NRG1: variants seen among roughly 807,000 people sequenced by gnomAD.
The protein encoded by NRG1 is pro-neuregulin-1, membrane-bound isoform.
In NRG1, 18 loss-of-function variants were observed where a neutral mutation model predicts 63.8. That is an observed-to-expected ratio of 0.28 (90% confidence interval 0.19 to 0.42). NRG1 has a LOEUF of 0.42. Among genes scored for constraint, NRG1 ranks in the 10% least tolerant of loss-of-function variants. The pLI, the probability that NRG1 is intolerant of heterozygous loss-of-function variation, is 1.00. For synonymous variants in NRG1, 302 were observed against 301.3 expected (o/e 1.00, Z -0.02); for missense variants, 762 against 814.7 (o/e 0.94, Z 0.79).
intron 4 of NRG1, among the ~76,000 whole-genome samples, chr8:32,615,660 C>T (rs1021231512): frequency 2.0e-5 from 3 of 151,882 alleles, no homozygotes; most frequent in Non-Finnish European, 2.9e-5. Flanking sequence ...TCCATCTTAC[C>T]TCCATCATTT....
chr8:31,732,504 A>G (rs1814195716), intron 1 of NRG1, among the ~76,000 whole-genome samples: 1 of 152,152 alleles, frequency 6.6e-6, no homozygotes, highest in Non-Finnish European at 1.5e-5. Flanking sequence ...TAAAAAAATT[A>G]TAAGTATGAA....
At chr8:32,205,492 T>C (rs918481353) in intron 1 of NRG1, among the ~76,000 whole-genome samples, 2 of 152,154 alleles carry the variant, frequency 1.3e-5, no homozygotes, top group African/African-American at 4.8e-5. Context: ...AACGCAGGTG[T>C]GTTCACCAAA....
At chr8:32,712,398 G>A (rs1818053453) in intron 5 of NRG1, among the ~76,000 whole-genome samples, 1 of 152,170 alleles carries the variant, frequency 6.6e-6, no homozygotes, top group South Asian at 2.1e-4. Context: ...TTTAGTAAAA[G>A]GAGTTGTAAG....
At chr8:32,435,670 C>A (rs533895150) in intron 1 of NRG1, among the ~76,000 whole-genome samples, 5 of 152,000 alleles carry the variant, frequency 3.3e-5, no homozygotes, top group Non-Finnish European at 7.4e-5. Flanking sequence ...AAGTCTCTGT[C>A]CACAGCAAAA....
At chr8:32,155,366 A>C (rs1172181153) in intron 1 of NRG1, among the ~76,000 whole-genome samples, 1 of 152,154 alleles carries the variant, frequency 6.6e-6, no homozygotes, top group African/African-American at 2.4e-5. Context: ...GCTGACTCAG[A>C]GCGTATAGCC....
intron 1 of NRG1, among the ~76,000 whole-genome samples, chr8:31,782,095 G>C (rs1169791748): frequency 2.0e-5 from 3 of 152,044 alleles, no homozygotes; most frequent in African/African-American, 7.2e-5. Flanking sequence ...GTGACTATTA[G>C]AACTTAAATG....
intron 1 of NRG1, among the ~76,000 whole-genome samples, chr8:32,101,683 C>T (rs1830599707): frequency 6.6e-6 from 1 of 151,994 alleles, no homozygotes; most frequent in Non-Finnish European, 1.5e-5. Flanking sequence ...TGAAGTATGT[C>T]TAAAGAAATA....
At chr8:31,997,305 C>A (rs1191169238) in intron 1 of NRG1, among the ~76,000 whole-genome samples, 2 of 149,546 alleles carry the variant, frequency 1.3e-5, no homozygotes, top group African/African-American at 4.9e-5. Flanking sequence ...AATATATTTC[C>A]TTTTGACTTA....
intron 1 of NRG1, among the ~76,000 whole-genome samples, chr8:32,182,518 A>AT (rs1841542633): frequency 6.6e-6 from 1 of 152,140 alleles, no homozygotes; most frequent in African/African-American, 2.4e-5. Flanking sequence ...AAGTGCTGGG[A>AT]TTAGAGGCAT....
intron 1 of NRG1, among the ~76,000 whole-genome samples, chr8:32,564,092 T>A (rs1836975610): frequency 6.7e-6 from 1 of 149,348 alleles, no homozygotes; most frequent in Non-Finnish European, 1.5e-5. Context: ...ATGGCCTTTT[T>A]AAATCAGAGT....
intron 1 of NRG1, chr8:32,061,876 T>C (rs1823935777): frequency 6.6e-6 from 1 of 151,962 alleles, no homozygotes; most frequent in South Asian, 2.1e-4. Context: ...CATATTAAAA[T>C]GTAAATCACA....
chr8:31,874,094 C>T (rs74554706), intron 1 of NRG1, among the ~76,000 whole-genome samples: 1,822 of 152,190 alleles, frequency 0.012, 41 homozygotes, highest in African/African-American at 0.042. Flanking sequence ...ATCGTGTCTG[C>T]GTTTAGGGCA....
At chr8:32,472,241 A>T (rs990114049) in intron 1 of NRG1, among the ~76,000 whole-genome samples, 1 of 152,002 alleles carries the variant, frequency 6.6e-6, no homozygotes, top group African/African-American at 2.4e-5. Flanking sequence ...CGCGATATCA[A>T]CTCACTGCAA....
chr8:31,744,122 A>G (rs1353456158), intron 1 of NRG1, among the ~76,000 whole-genome samples: 4 of 151,944 alleles, frequency 2.6e-5, no homozygotes, highest in Non-Finnish European at 5.9e-5. Context: ...ATACACATGT[A>G]CAGGTGTTGT....
rs556581705 is a variant in NRG1 at position 32,407,646 on chromosome 8, C to T, written c.38-188182C>T. On this transcript the variant is annotated intron_variant, in intron 1 of 10. Transcript: ENST00000519301. ...CCCTTCTTCCTCCTTACCTCTCTCT[C>T]TCTGTATCCCTTTCAGTACATATGT... 7.2e-5 allele frequency among the ~76,000 whole-genome samples: 11 copies of T among 152,248 alleles called. No individual in the cohort carries two copies. The South Asian group carries it at 2.3e-3, about 32-fold the overall frequency.
At chr8:31,912,299 A>T (rs549821984) in intron 1 of NRG1, among the ~76,000 whole-genome samples, 2 of 152,234 alleles carry the variant, frequency 1.3e-5, no homozygotes, top group African/African-American at 4.8e-5. Context: ...TTTGGTACAG[A>T]TCTATTTACT....
At chr8:32,232,986 T>G (rs1226890466) in intron 1 of NRG1, among the ~76,000 whole-genome samples, 1 of 152,230 alleles carries the variant, frequency 6.6e-6, no homozygotes, top group Non-Finnish European at 1.5e-5. Context: ...TTAATTTTAT[T>G]TACTTCTCTT....
intron 1 of NRG1, among the ~76,000 whole-genome samples, chr8:32,152,183 T>G (rs1453157924): frequency 6.6e-6 from 1 of 152,232 alleles, no homozygotes. Flanking sequence ...TGCTGTTTTC[T>G]AAAAGTTGTG....
chr8:32,587,208 T>C (rs1841767943), intron 1 of NRG1, among the ~76,000 whole-genome samples: 1 of 151,490 alleles, frequency 6.6e-6, no homozygotes, highest in Non-Finnish European at 1.5e-5. Flanking sequence ...AGTGAGACTC[T>C]GCCGCCAAAA....
Sources: gnomAD v4.1 joint callset for allele counts (sites outside exome capture counted in the v4.1 genomes callset) on GRCh38, gnomAD v4.1.1 for gene constraint, MANE v1.5 for transcripts, NCBI Gene and HGNC (gene_info 2026-07-23, HGNC 2026-07-21) for gene names.